TNK2: variants seen among roughly 807,000 people sequenced by gnomAD.
TNK2 encodes tyrosine kinase non receptor 2.
A neutral mutation model predicts 101.8 loss-of-function variants in TNK2; 83 were observed. The observed-to-expected ratio is 0.82, with a 90% CI of 0.68 to 0.98. The LOEUF (loss-of-function observed/expected upper bound fraction) is 0.98, where lower values mean the gene tolerates loss of function less well. TNK2 is among the 50% of genes least tolerant of loss of function. TNK2 has a pLI of 0.00. For missense variants in TNK2, 1,665 were observed against 1,483.2 expected, an observed-to-expected ratio of 1.12 and a Z score of -2.01; for synonymous variants, 804 against 633.0, an observed-to-expected ratio of 1.27 and a Z score of -4.06.
intron 12 of TNK2, 22 bp from the exon 13 acceptor site, chr3:195,868,731 C>T: frequency 6.6e-7 from 1 of 1,526,598 alleles, no homozygotes; most frequent in Non-Finnish European, 8.7e-7. Context: ...AGGGAGAGCC[C>T]AACAGGAAGG....
chr3:195,867,721 G>A lies in TNK2; in HGVS notation c.2577C>T (p.Ile859=). 1 of 1,606,284 alleles carries A rather than the reference G, an allele frequency of 6.2e-7. No individual in the cohort carries two copies. Residue 859 remains isoleucine (I), a synonymous_variant, in exon 13 of 16, where the codon ATC becomes ATT. Coordinates refer to ENST00000672887, the MANE Select transcript of TNK2 (RefSeq NM_001382273.1). ...QAPGPRAGPC[I]LPIVRDGKKV... ...TCTTGCCATCCCGGACGATGGGCAG[G>A]ATGCAGGGACCAGCCCGCGGGCCAG...
At chr3:195,887,863 C>T (rs938522320) in intron 2 of TNK2, among the ~76,000 whole-genome samples, 6 of 141,096 alleles carry the variant, frequency 4.3e-5, no homozygotes, top group African/African-American at 8.4e-5. Flanking sequence ...TGTCTGTGTG[C>T]GCAGGCGTGT....
intron 11 of TNK2, 118 bp from the exon 12 acceptor site, chr3:195,869,659 G>A: frequency 3.8e-6 from 4 of 1,058,002 alleles, no homozygotes; most frequent in Middle Eastern, 2.1e-4. Context: ...AAGTGAATGG[G>A]GGCGAGTGAA....
rs1187598943 is a variant in TNK2, at chr3:195,870,103, G to A, written c.1543+11C>T. On this transcript the variant is annotated intron_variant, in intron 11 of 15. Coordinates refer to ENST00000672887, the MANE Select transcript of TNK2 (RefSeq NM_001382273.1). Reference sequence around the variant, plus strand: ...TGAGTTAGGGACACCAGGGAGCAGAGGGGCTCTTACTTTTCACCCCTCCTA... The same window carrying A: ...TGAGTTAGGGACACCAGGGAGCAGAAGGGCTCTTACTTTTCACCCCTCCTA... 9 of 1,454,212 alleles carry A rather than the reference G, an allele frequency of 6.2e-6. No individual in the cohort carries two copies. The highest frequency in any genetic ancestry group is 2.7e-5 in the Admixed American group (1 of 36,726). The allele number at this position is 1,454,212 out of a possible 1,614,324, so 90.1% of individuals were successfully genotyped here. A position where few individuals can be genotyped will look rare whatever the true frequency, so the allele number is the denominator to read the frequency against.
Position 195,895,407 on chromosome 3 carries a change from C to A in TNK2, c.-18-6801G>T, listed in dbSNP as rs781061710. Reference sequence around the variant, plus strand: ...CTGCCCTGCGTCCTGGGGGGCCGGGCCTCGAGCATCCTCCAGAAGTGCAGG... The same window carrying A: ...CTGCCCTGCGTCCTGGGGGGCCGGGACTCGAGCATCCTCCAGAAGTGCAGG... On this transcript the variant is annotated intron_variant, in intron 1 of 15. Coordinates refer to ENST00000672887, the MANE Select transcript of TNK2 (RefSeq NM_001382273.1). 2.4e-5 allele frequency: 37 copies of A among 1,529,602 alleles called. No individual in the cohort carries two copies. In the Middle Eastern group the frequency reaches 8.8e-4, roughly 37 times the overall value. The allele number at this position is 1,529,602 out of a possible 1,614,324, so 94.8% of individuals were successfully genotyped here.
At chr3:195,870,000 C>G in intron 11 of TNK2, 114 bp downstream of exon 11, 3 of 831,850 alleles carry the variant, frequency 3.6e-6, no homozygotes, top group Non-Finnish European at 5.5e-6. Context: ...GCCTGCTGCC[C>G]TGACCCCACT....
rs1213315689 is a variant in TNK2 at position 195,888,896 on chromosome 3, G to A, written c.-18-290C>T. ...ACTGAGTGACCCAAGATCAACCTGT[G>A]CTCACATTCCTGCTCTAAGTTTCTA... On this transcript the variant is annotated intron_variant, in intron 1 of 15. Coordinates refer to ENST00000672887, the MANE Select transcript of TNK2 (RefSeq NM_001382273.1). This position sits in a 1 kb window ranked among gnomAD's most constrained non-coding sequence, Gnocchi z 5.3. 1.3e-5 allele frequency among the ~76,000 whole-genome samples: 2 copies of A among 152,116 alleles called. No homozygotes were observed. Among genetic ancestry groups the A allele is most frequent in the African/African-American group, 2.4e-5 (1 of 41,416 alleles).
At chr3:195,880,977 G>GC (rs1166522035) in intron 6 of TNK2, among the ~76,000 whole-genome samples, 8 of 1,620 alleles carry the variant, frequency 4.9e-3, no homozygotes, top group Admixed American at 8.4e-3. Flanking sequence ...TGTAACACCC[G>GC]CCCCCAGCGA....
At chr3:195,907,261 TTGGG>T (rs1560549837) in intron 1 of TNK2, among the ~76,000 whole-genome samples, 2 of 152,160 alleles carry the variant, frequency 1.3e-5, no homozygotes, top group East Asian at 3.9e-4. Flanking sequence ...GCATGAGTGT[TTGGG>T]TGGCAGCGCG....
intron 10 of TNK2, among the ~76,000 whole-genome samples, chr3:195,870,730 G>T (rs1182939529): frequency 6.6e-6 from 1 of 152,276 alleles, no homozygotes; most frequent in African/African-American, 2.4e-5. Flanking sequence ...GCTGATTAAA[G>T]CCTGGAGGAA....
chr3:195,883,358 C>A, intron 4 of TNK2, 49 bp from the exon 5 acceptor site: 2 of 1,603,222 alleles, frequency 1.2e-6, no homozygotes, highest in South Asian at 2.2e-5. Flanking sequence ...AGGTCCCAGA[C>A]ACGCGGAGCC....
rs781251486 is a variant in TNK2 at position 195,868,015 on chromosome 3, G to T, written c.2283C>A (p.Pro761=). Residue 761 remains proline, a synonymous_variant, in exon 13 of 16, where the codon CCC becomes CCA. Transcript: ENST00000672887. ...KPQVPPRVPI[P]PRPTRPHVQL... ...GGACGTGTGGGCGCGTGGGCCGAGG[G>T]GGGATGGGTACCCGAGGAGGCACCT... 1.3e-6 allele frequency: 2 copies of T among 1,581,706 alleles called. No individual in the cohort carries two copies. The highest frequency in any genetic ancestry group is 2.7e-5 in the African/African-American group (2 of 74,338).
intron 1 of TNK2, chr3:195,895,136 G>C: frequency 9.5e-7 from 1 of 1,051,302 alleles, no homozygotes; most frequent in African/African-American, 1.7e-5. Context: ...CCCAGGAGCA[G>C]ACACTCTCAC....
At chr3:195,891,951 A>G in intron 1 of TNK2, 1 of 991,216 alleles carries the variant, frequency 1.0e-6, no homozygotes, top group Non-Finnish European at 1.2e-6. Context: ...TGACCCAGCA[A>G]CAGCGCAGCT....
intron 1 of TNK2, among the ~76,000 whole-genome samples, chr3:195,896,471 G>A (rs1215869365): frequency 3.9e-5 from 6 of 152,142 alleles, no homozygotes; most frequent in African/African-American, 1.4e-4. Flanking sequence ...TGCCGGCGAG[G>A]CCCCCGAACG....
chr3:195,876,478 G>T, intron 9 of TNK2: 1 of 456,800 alleles, frequency 2.2e-6, no homozygotes. Context: ...GGAGACGGAG[G>T]CAGCCAAACA....
intron 1 of TNK2, among the ~76,000 whole-genome samples, chr3:195,901,182 C>T (rs1486374876): frequency 6.6e-6 from 1 of 152,202 alleles, no homozygotes; most frequent in African/African-American, 2.4e-5. Context: ...TGCTCACCAT[C>T]TGACCTTGAA....
chr3:195,901,518 AGCT>A (rs1358010224), intron 1 of TNK2, among the ~76,000 whole-genome samples: 1 of 151,080 alleles, frequency 6.6e-6, no homozygotes, highest in African/African-American at 2.5e-5. Flanking sequence ...CAGGAGGTAC[AGCT>A]GCTGAGGAGG....
chr3:195,896,097 C>G (rs1215550124), intron 1 of TNK2: 4 of 455,802 alleles, frequency 8.8e-6, no homozygotes, highest in South Asian at 6.2e-5. Flanking sequence ...GACTCCTGCT[C>G]AAAAGCCGCC....
Sources: allele counts gnomAD v4.1 joint callset (sites outside exome capture counted in the v4.1 genomes callset), GRCh38; gene constraint gnomAD v4.1.1; non-coding constraint Gnocchi (gnomAD v3.1); transcripts MANE v1.5; gene names NCBI Gene and HGNC (gene_info 2026-07-23, HGNC 2026-07-21).